Variants in OXNAD1 observed in about 807,000 individuals in gnomAD.
OXNAD1 encodes the protein oxidoreductase NAD binding domain containing 1, also known as oxidoreductase NAD-binding domain-containing protein 1.
In OXNAD1, 34 loss-of-function variants were observed where a neutral mutation model predicts 32.9. The observed-to-expected ratio is 1.03, with a 90% CI of 0.79 to 1.38. OXNAD1 has a LOEUF of 1.38. OXNAD1 is among the 40% of genes most tolerant of loss of function. OXNAD1 has a pLI of 0.00. For synonymous variants in OXNAD1, 134 were observed against 135.2 expected, an observed-to-expected ratio of 0.99 and a Z score of 0.06; for missense variants, 407 against 379.4, an observed-to-expected ratio of 1.07 and a Z score of -0.60.
At position 16,327,481 on chromosome 3, in the gene OXNAD1, C is replaced by T. The variant is rs934284396; in HGVS notation, c.*31-9631C>T. 2.1e-4 allele frequency among the ~76,000 whole-genome samples: 32 copies of T among 152,286 alleles called. No individual in the cohort carries two copies. The highest frequency in any genetic ancestry group is 7.2e-4 in the African/African-American group (30 of 41,552). ...TTCAGTTAAAAAACTCAGCCCCGGC[C>T]GGGTGCTGTGGCTCACGTCTGTAAT... On this transcript the variant is annotated intron_variant, in intron 9 of 9. Transcript: ENST00000435829. This position sits in a 1 kb window ranked among gnomAD's most constrained non-coding sequence, Gnocchi z 4.2.
At chr3:16,309,943 A>G (rs1472686257), downstream of OXNAD1, among the ~76,000 whole-genome samples, 2 of 152,164 alleles carry the variant, frequency 1.3e-5, no homozygotes, top group African/African-American at 2.4e-5. Flanking sequence ...CAAATATTTG[A>G]TTGATTCTTG....
chr3:16,309,258 C>CTGTT (rs888787717), downstream of OXNAD1, among the ~76,000 whole-genome samples: 1 of 152,034 alleles, frequency 6.6e-6, no homozygotes, highest in African/African-American at 2.4e-5. Flanking sequence ...TGCAGTAAAC[C>CTGTT]TGTTTGTATA....
In OXNAD1 at chr3:16,327,620, G is replaced by T. The variant is rs2069845509; in HGVS notation, c.*31-9492G>T. 6.6e-6 allele frequency among the ~76,000 whole-genome samples: 1 copy of T among 152,060 alleles called. No homozygotes were observed. The highest frequency in any genetic ancestry group is 2.1e-4 in the South Asian group (1 of 4,822). On this transcript the variant is annotated intron_variant, in intron 9 of 9. Coordinates refer to the OXNAD1 transcript ENST00000435829. The surrounding 1 kb of genome is among the most constrained non-coding windows in gnomAD (Gnocchi z 4.2). The stretch of plus-strand genomic sequence containing the variant: ...TAAAAATACAAAAAAAATTAGCCAG[G>T]CCTGGTGGCGGGCGCCTGTAGTCCC...
chr3:16,310,062 C>G (rs957522660), downstream of OXNAD1, among the ~76,000 whole-genome samples: 6 of 152,152 alleles, frequency 3.9e-5, no homozygotes, highest in Non-Finnish European at 5.9e-5. Context: ...GACTATACTG[C>G]TGATTAAATT....
intron 9 of OXNAD1, among the ~76,000 whole-genome samples, chr3:16,313,412 A>C (rs75266688): frequency 0.01 from 1,586 of 152,082 alleles, 59 homozygotes; most frequent in East Asian, 0.1. Context: ...AGCTTTTATC[A>C]GACCTGCTCC....
In OXNAD1 at chr3:16,317,234, TA is replaced by T; in HGVS notation, c.*30+13643del. On this transcript the variant is annotated intron_variant, in intron 9 of 9. Transcript: ENST00000435829. The surrounding 1 kb of genome is among the most constrained non-coding windows in gnomAD (Gnocchi z 4.3). ...TTCTCTGGAGAATCGCCACTGAAAC[TA>T]GAAATCAGAAAGGATGGGGATAAAT... The T allele has an allele frequency of 6.2e-7, 1 of 1,611,494 alleles. No homozygotes were observed. The highest frequency in any genetic ancestry group is 8.5e-7 in the Non-Finnish European group (1 of 1,179,940).
At chr3:16,307,493 A>C (rs572090534), downstream of OXNAD1, among the ~76,000 whole-genome samples, 1 of 152,198 alleles carries the variant, frequency 6.6e-6, no homozygotes, top group Non-Finnish European at 1.5e-5. Flanking sequence ...ATGAGTGATC[A>C]TTGAGTGGCT....
At position 16,303,653 on chromosome 3, in the gene OXNAD1, C is replaced by G. The variant is rs887706084; in HGVS notation, c.*91C>G. ...GCATGATTAATTTTTTTTATCTCTA[C>G]TTGAGTTGTCTTATTTTTTAAGGCT... On this transcript the variant is annotated 3_prime_UTR_variant, in exon 9 of 9. Transcript: ENST00000285083. This position sits in a 1 kb window ranked among gnomAD's most constrained non-coding sequence, Gnocchi z 4.8. The G allele has an allele frequency of 6.8e-6, 9 of 1,325,642 alleles. No homozygotes were observed. In the African/African-American group the frequency reaches 1.3e-4, roughly 20 times the overall value. The allele number at this position is 1,325,642 out of a possible 1,614,324, so 82.1% of individuals were successfully genotyped here.
rs2064962532 is a variant in OXNAD1, at chr3:16,271,804, G to T, written c.183+82G>T. 8.4e-7 allele frequency: 1 copy of T among 1,189,514 alleles called. No homozygotes were observed. The allele number at this position is 1,189,514 out of a possible 1,614,324, so 73.7% of individuals were successfully genotyped here. A position where few individuals can be genotyped will look rare whatever the true frequency, so the allele number is the denominator to read the frequency against. On this transcript the variant is annotated intron_variant, in intron 4 of 8. Coordinates refer to ENST00000285083, the MANE Select transcript of OXNAD1 (RefSeq NM_138381.5). The surrounding 1 kb of genome is among the most constrained non-coding windows in gnomAD (Gnocchi z 4.6). ...TGACTGGCTTATGGGTAAAGCATTAGATGAGTCTGGTCCTTTTGAAGGAGA... is the reference window on the plus strand; with the variant it reads ...TGACTGGCTTATGGGTAAAGCATTATATGAGTCTGGTCCTTTTGAAGGAGA...
chr3:16,269,825 AAAG>A (rs1415779771), intron 2 of OXNAD1, among the ~76,000 whole-genome samples: 1 of 152,256 alleles, frequency 6.6e-6, no homozygotes, highest in Non-Finnish European at 1.5e-5. Context: ...CTCAGAAAAA[AAAG>A]TATTCACATG....
chr3:16,302,725 C>T lies in OXNAD1; in HGVS notation c.761C>T (p.Ala254Val), dbSNP rs145460543. The T allele has an allele frequency of 3.7e-5, 59 of 1,612,138 alleles. No individual in the cohort carries two copies. The African/African-American group carries it at 3.7e-4, about 10-fold the overall frequency. ...ACAAAACAGACTACACAAATCAATG[C>T]GGAACTCAAGCCATACATCACGGGT... ...HVTKQTTQIN[A>V]ELKPYITEGR... Residue 254 changes from alanine (A) to valine (V), a missense_variant, in exon 8 of 9, where the codon GCG (alanine) becomes GTG (valine). Transcript: ENST00000285083. The surrounding 1 kb of genome is among the most constrained non-coding windows in gnomAD (Gnocchi z 4.2).
rs2064961014 is a variant in OXNAD1 at position 16,271,775 on chromosome 3, G to T, written c.183+53G>T. 6.8e-7 allele frequency: 1 copy of T among 1,466,182 alleles called. No individual in the cohort carries two copies. Among genetic ancestry groups the T allele is most frequent in the South Asian group, 1.2e-5 (1 of 81,396 alleles). 90.8% of individuals were successfully genotyped at this position (1,466,182 alleles called of 1,614,324 possible). ...TTTCCAGCTAGACCGTTTACATGTG[G>T]TTATGACTGGCTTATGGGTAAAGCA... On this transcript the variant is annotated intron_variant, in intron 4 of 8. Coordinates refer to ENST00000285083, the MANE Select transcript of OXNAD1 (RefSeq NM_138381.5). This position sits in a 1 kb window ranked among gnomAD's most constrained non-coding sequence, Gnocchi z 4.6.
intron 5 of OXNAD1, among the ~76,000 whole-genome samples, chr3:16,294,435 C>G (rs569807048): frequency 6.6e-6 from 1 of 152,266 alleles, no homozygotes; most frequent in Admixed American, 6.5e-5. Flanking sequence ...TCTCAAACTC[C>G]TGACCTCAGG....
At position 16,301,515 on chromosome 3, in the gene OXNAD1, T is replaced by C; in HGVS notation, c.433-111T>C. 7.8e-7 allele frequency: 1 copy of C among 1,285,006 alleles called. No individual in the cohort carries two copies. The highest frequency in any genetic ancestry group is 1.1e-6 in the Non-Finnish European group (1 of 936,030). 79.6% of individuals were successfully genotyped at this position (1,285,006 alleles called of 1,614,324 possible). ...GAAAATTGGGAGCAAGCTATAAAAA[T>C]AGTCTTAAATACTGATAATACAGGA... On this transcript the variant is annotated intron_variant, in intron 6 of 8. Coordinates refer to ENST00000285083, the MANE Select transcript of OXNAD1 (RefSeq NM_138381.5). The surrounding 1 kb of genome is among the most constrained non-coding windows in gnomAD (Gnocchi z 4.1).
rs1014143194 is a variant in OXNAD1, at chr3:16,345,591, A to G, written c.*31-3585A>G. Among the ~76,000 whole-genome samples, 2 of 152,090 alleles carry G rather than the reference A, an allele frequency of 1.3e-5. No individual in the cohort carries two copies. Among genetic ancestry groups the G allele is most frequent in the African/African-American group, 2.4e-5 (1 of 41,404 alleles). ...ATTAACACCGCCTGACTGCTTGAAC[A>G]GGAACGTCCATCTTCTGCCCTTGTT... is the stretch of plus-strand genomic sequence containing the variant. On this transcript the variant is annotated intron_variant, in intron 9 of 9. Transcript: ENST00000606098. The surrounding 1 kb of genome is among the most constrained non-coding windows in gnomAD (Gnocchi z 5.2).
downstream of OXNAD1, among the ~76,000 whole-genome samples, chr3:16,337,684 G>T (rs2125275250): frequency 1.3e-5 from 2 of 150,138 alleles, no homozygotes; most frequent in Admixed American, 1.3e-4. The surrounding 1 kb of genome is among the most constrained non-coding windows in gnomAD (Gnocchi z 5.0). Flanking sequence ...GGAGGTTGCA[G>T]TGAGCCCAGA....
rs187962321 is a variant in OXNAD1 at position 16,302,870 on chromosome 3, T to C, written c.784+122T>C. On this transcript the variant is annotated intron_variant, in intron 8 of 8. Transcript: ENST00000285083. The surrounding 1 kb of genome is among the most constrained non-coding windows in gnomAD (Gnocchi z 4.2). ...GCTGGGAATGTCACTATCTGGGGAA[T>C]TGGGATGATTCCTCATGGAAAAATG... 2.7e-4 allele frequency: 206 copies of C among 749,554 alleles called. 2 individuals carry two copies. In the South Asian group the frequency reaches 2.8e-3, roughly 10 times the overall value. 46.4% of individuals were successfully genotyped at this position (749,554 alleles called of 1,614,324 possible). A position where few individuals can be genotyped will look rare whatever the true frequency, so the allele number is the denominator to read the frequency against.
intron 9 of OXNAD1, among the ~76,000 whole-genome samples, chr3:16,323,067 C>T (rs2069257202): frequency 6.6e-6 from 1 of 152,222 alleles, no homozygotes; most frequent in African/African-American, 2.4e-5. Flanking sequence ...GGTCAGGCTG[C>T]AGCTGACTTC....
intron 4 of OXNAD1, among the ~76,000 whole-genome samples, chr3:16,272,948 A>T (rs1315344019): frequency 6.6e-6 from 1 of 152,130 alleles, no homozygotes; most frequent in Non-Finnish European, 1.5e-5. Context: ...AGAAGGCCAG[A>T]TAGTAAATAC....
Sources: allele counts gnomAD v4.1 joint callset (sites outside exome capture counted in the v4.1 genomes callset), GRCh38; gene constraint gnomAD v4.1.1; non-coding constraint Gnocchi (gnomAD v3.1); transcripts MANE v1.5; gene names NCBI Gene and HGNC (gene_info 2026-07-23, HGNC 2026-07-21).